Variants in KCTD1 observed in about 807,000 individuals in gnomAD.
KCTD1 encodes potassium channel tetramerization domain containing 1.
KCTD1 carries 24 observed loss-of-function variants against 66.0 expected under a neutral mutation model. That is an observed-to-expected ratio of 0.36 (90% CI 0.26 to 0.51). The LOEUF is 0.51. Ranked by LOEUF, KCTD1 falls within the 20% of genes least tolerant of loss-of-function variation. The pLI is 0.95. For synonymous variants in KCTD1, 511 were observed against 517.2 expected, an observed-to-expected ratio of 0.99 and a Z score of 0.16; for missense variants, 943 against 1,205.2, an observed-to-expected ratio of 0.78 and a Z score of 3.22.
chr18:26,577,412 G>C (rs1986249442), intron 1 of KCTD1, among the ~76,000 whole-genome samples: 1 of 152,146 alleles, frequency 6.6e-6, no homozygotes. Flanking sequence ...GGGTATCTTT[G>C]TTATCATCTT....
intron 1 of KCTD1, among the ~76,000 whole-genome samples, chr18:26,627,256 TG>T (rs1987520393): frequency 8.8e-6 from 1 of 114,266 alleles, no homozygotes; most frequent in South Asian, 3.7e-4. Context: ...GACAATCTTC[TG>T]GGTTTTGTGT....
At chr18:26,494,774 T>A (rs1290341851) in intron 2 of KCTD1, among the ~76,000 whole-genome samples, 1 of 152,178 alleles carries the variant, frequency 6.6e-6, no homozygotes, top group Non-Finnish European at 1.5e-5. Context: ...GCCAGGTGCT[T>A]TCCCCCCTTT....
upstream of KCTD1, chr18:26,549,503 G>T: frequency 1.0e-6 from 1 of 961,804 alleles, no homozygotes. Context: ...CGAGGGAAGA[G>T]GCGCTTGGGA....
rs756597500 is a variant in KCTD1 at position 26,476,656 on chromosome 18, G to A, written c.1992C>T (p.Ile664=). Residue 664 remains isoleucine (I), a synonymous_variant, in exon 3 of 5, where the codon ATC becomes ATT. Coordinates refer to ENST00000580059, the MANE Select transcript of KCTD1 (RefSeq NM_001142730.3). This position sits in a 1 kb window ranked among gnomAD's most constrained non-coding sequence, Gnocchi z 4.9. ...GCTCTGTACCATCAAAAAGTCTTCCGATTCTGTGATAGAAAAGAGGGAACA... is the reference window on the plus strand; with the variant it reads ...GCTCTGTACCATCAAAAAGTCTTCCAATTCTGTGATAGAAAAGAGGGAACA... ...ATLTKYPESR[I]GRLFDGTEPI... 16 of 1,610,530 alleles carry A rather than the reference G, an allele frequency of 9.9e-6. No individual in the cohort carries two copies. The highest frequency in any genetic ancestry group is 2.7e-5 in the African/African-American group (2 of 74,798).
intron 1 of KCTD1, among the ~76,000 whole-genome samples, chr18:26,620,434 T>A (rs1156444895): frequency 2.6e-4 from 1 of 3,852 alleles, no homozygotes; most frequent in Admixed American, 7.2e-3. Context: ...AAAATTGCAT[T>A]TTTTTTTTTT....
chr18:26,626,641 CT>C (rs1177218165), intron 1 of KCTD1, among the ~76,000 whole-genome samples: 2 of 151,998 alleles, frequency 1.3e-5, no homozygotes, highest in Non-Finnish European at 2.9e-5. Flanking sequence ...GCCTGGCTAA[CT>C]TTTTTGTTGT....
intron 1 of KCTD1, among the ~76,000 whole-genome samples, chr18:26,606,337 T>C (rs549982604): frequency 6.6e-6 from 1 of 152,194 alleles, no homozygotes; most frequent in East Asian, 1.9e-4. Flanking sequence ...CTGAACCAGT[T>C]TTTTAGGTTA....
chr18:26,652,391 G>A (rs1988053426), intron 1 of KCTD1, among the ~76,000 whole-genome samples: 1 of 152,114 alleles, frequency 6.6e-6, no homozygotes, highest in Admixed American at 6.5e-5. Context: ...CCTATGGAGA[G>A]AGTGATATTC....
At chr18:26,620,932 A>C (rs997590988) in intron 1 of KCTD1, among the ~76,000 whole-genome samples, 9 of 148,388 alleles carry the variant, frequency 6.1e-5, no homozygotes, top group Non-Finnish European at 1.3e-4. Flanking sequence ...TCCCGGGTTC[A>C]CGCCATTCTC....
chr18:26,626,310 G>A (rs1038549580), intron 1 of KCTD1, among the ~76,000 whole-genome samples: 13 of 151,944 alleles, frequency 8.6e-5, no homozygotes, highest in African/African-American at 2.9e-4. Context: ...CCTACCACAG[G>A]GCTTGAGGGA....
chr18:26,590,070 C>T (rs540794001), intron 1 of KCTD1, among the ~76,000 whole-genome samples: 9 of 152,128 alleles, frequency 5.9e-5, no homozygotes, highest in Admixed American at 3.3e-4. Flanking sequence ...TAAGTGAATG[C>T]GTTATTTTAT....
Position 26,459,605 on chromosome 18 carries a change from G to A in KCTD1, c.2439+15C>T, listed in dbSNP as rs773521144. On this transcript the variant is annotated intron_variant, in intron 4 of 4. Transcript: ENST00000580059. Reference sequence around the variant, plus strand: ...AGTGGCATTTGATGCCACACAGTGCGTAACAATGCTATACCTGGACTGAGT... The same window carrying A: ...AGTGGCATTTGATGCCACACAGTGCATAACAATGCTATACCTGGACTGAGT... 2.0e-5 allele frequency: 32 copies of A among 1,569,700 alleles called. No homozygotes were observed. In the East Asian group the frequency reaches 4.1e-4, roughly 20 times the overall value.
At chr18:26,594,411 T>G (rs1462664612) in intron 1 of KCTD1, among the ~76,000 whole-genome samples, 1 of 152,190 alleles carries the variant, frequency 6.6e-6, no homozygotes, top group African/African-American at 2.4e-5. Context: ...TGATTTTTGT[T>G]GGGTCTCCTT....
intron 1 of KCTD1, among the ~76,000 whole-genome samples, chr18:26,513,355 G>T (rs1983451907): frequency 6.6e-6 from 1 of 151,928 alleles, no homozygotes; most frequent in Non-Finnish European, 1.5e-5. Flanking sequence ...CCAAAGTGCT[G>T]GGATTACAGG....
intron 2 of KCTD1, among the ~76,000 whole-genome samples, chr18:26,488,936 A>C (rs1982052237): frequency 6.6e-6 from 1 of 152,172 alleles, no homozygotes. Context: ...ATTTTTAAAA[A>C]ACATTTTCAT....
chr18:26,624,872 G>A (rs1427147414), intron 1 of KCTD1, among the ~76,000 whole-genome samples: 1 of 152,170 alleles, frequency 6.6e-6, no homozygotes. Context: ...TGGAAGGGAG[G>A]ATGTACCCTG....
intron 1 of KCTD1, among the ~76,000 whole-genome samples, chr18:26,535,867 T>C (rs1403722383): frequency 1.3e-5 from 2 of 148,364 alleles, no homozygotes; most frequent in Non-Finnish European, 3.0e-5. Context: ...AAAGTTCCTA[T>C]CCTTCCCCTT....
intron 1 of KCTD1, among the ~76,000 whole-genome samples, chr18:26,508,909 G>A (rs566646290): frequency 6.6e-6 from 1 of 152,218 alleles, no homozygotes; most frequent in South Asian, 2.1e-4. Context: ...CATAATCATT[G>A]GACCCTCAAT....
At chr18:26,507,533 C>A (rs1269349546) in intron 1 of KCTD1, among the ~76,000 whole-genome samples, 2 of 152,014 alleles carry the variant, frequency 1.3e-5, no homozygotes, top group Non-Finnish European at 2.9e-5. Flanking sequence ...CCACACTTGG[C>A]TAATTAAAAT....
Sources: gnomAD v4.1 joint callset for allele counts (sites outside exome capture counted in the v4.1 genomes callset) on GRCh38, gnomAD v4.1.1 for gene constraint, Gnocchi (gnomAD v3.1) non-coding constraint, MANE v1.5 for transcripts, NCBI Gene and HGNC (gene_info 2026-07-23, HGNC 2026-07-21) for gene names.